Variants in BCAS1 observed in about 807,000 individuals in gnomAD.
BCAS1 encodes the protein brain enriched myelin associated protein 1.
In BCAS1, 46 loss-of-function variants were observed where a neutral mutation model predicts 65.4. That is an observed-to-expected ratio of 0.70 (90% CI 0.55 to 0.90). BCAS1 has a LOEUF of 0.90. BCAS1 is among the 40% of genes least tolerant of loss of function. BCAS1 has a pLI of 0.00. For missense variants in BCAS1, 793 were observed against 771.2 expected, an observed-to-expected ratio of 1.03 and a Z score of -0.33; for synonymous variants, 298 against 293.5, an observed-to-expected ratio of 1.02 and a Z score of -0.16.
chr20:54,067,817 A>G (rs966538713), intron 1 of BCAS1, among the ~76,000 whole-genome samples: 2 of 152,332 alleles, frequency 1.3e-5, no homozygotes, highest in African/African-American at 4.8e-5. Flanking sequence ...CCAAGTAAAC[A>G]AGCAACACCT....
chr20:54,025,346 C>T (rs1398627226), intron 4 of BCAS1, among the ~76,000 whole-genome samples: 2 of 152,156 alleles, frequency 1.3e-5, no homozygotes, highest in African/African-American at 4.8e-5. Flanking sequence ...AAAAAAACCT[C>T]ATCCCTGCCA....
At chr20:54,007,040 G>C (rs575055195) in intron 4 of BCAS1, among the ~76,000 whole-genome samples, 1 of 152,298 alleles carries the variant, frequency 6.6e-6, no homozygotes, top group African/African-American at 2.4e-5. Flanking sequence ...AGTAGGCAAG[G>C]TTCTCTGAAG....
chr20:53,953,383 T>C, intron 12 of BCAS1, 49 bp downstream of exon 12: 2 of 1,605,368 alleles, frequency 1.2e-6, no homozygotes, highest in East Asian at 2.2e-5. Context: ...GCAGATGGTG[T>C]TGGGGAAGGA....
chr20:54,047,592 G>A (rs989430785), intron 3 of BCAS1, among the ~76,000 whole-genome samples: 1 of 152,222 alleles, frequency 6.6e-6, no homozygotes. Context: ...GAGAGCCAGT[G>A]TTCAGAACTC....
chr20:54,054,524 T>C (rs2092267572), intron 3 of BCAS1, among the ~76,000 whole-genome samples: 2 of 152,208 alleles, frequency 1.3e-5, no homozygotes, highest in South Asian at 4.1e-4. Flanking sequence ...ATAACTTAGC[T>C]AATAACCTTA....
rs913178361 is a variant in BCAS1 at position 53,944,617 on chromosome 20, C to A, written c.*305G>T. The A allele has an allele frequency of 3.4e-6, 1 of 297,800 alleles. No homozygotes were observed. The highest frequency in any genetic ancestry group is 4.3e-5 in the Admixed American group (1 of 23,436). The allele number at this position is 297,800 out of a possible 1,614,324, so 18.4% of individuals were successfully genotyped here. ...AGCCACCACGCCCGGCCACCACTGC[C>A]ATTTTCATCACTTAACCCGAACACA... is the stretch of plus-strand genomic sequence containing the variant. On this transcript the variant is annotated 3_prime_UTR_variant, in exon 13 of 13. Transcript: ENST00000688948.
At chr20:54,069,171 CACCCAGGGCCTGAA>C (rs34365332) in intron 1 of BCAS1, among the ~76,000 whole-genome samples, 20,661 of 152,048 alleles carry the variant, frequency 0.14, 1,834 homozygotes, top group East Asian at 0.28. Flanking sequence ...TGAGTATATA[CACCCAGGGCCTGAA>C]GCTGCTGTGA....
At chr20:54,042,055 G>A (rs918833288) in intron 3 of BCAS1, among the ~76,000 whole-genome samples, 1 of 151,820 alleles carries the variant, frequency 6.6e-6, no homozygotes, top group Non-Finnish European at 1.5e-5. Flanking sequence ...CTTCTAAAAT[G>A]TTATCCTAGA....
At chr20:54,047,373 T>C (rs1369885834) in intron 3 of BCAS1, among the ~76,000 whole-genome samples, 3 of 152,126 alleles carry the variant, frequency 2.0e-5, no homozygotes, top group Non-Finnish European at 1.5e-5. Flanking sequence ...CCAGGAAGCA[T>C]GGGTTATTGC....
chr20:53,999,295 G>A (rs899055559), intron 4 of BCAS1, among the ~76,000 whole-genome samples: 1 of 152,264 alleles, frequency 6.6e-6, no homozygotes, highest in Middle Eastern at 3.4e-3. Flanking sequence ...GCTTGTTTAT[G>A]CTTGTATAGC....
At chr20:54,028,109 C>T (rs1312929247) in intron 4 of BCAS1, among the ~76,000 whole-genome samples, 2 of 152,192 alleles carry the variant, frequency 1.3e-5, no homozygotes, top group Admixed American at 1.3e-4. Flanking sequence ...TGTCTACTTC[C>T]GCCTTTGAAA....
chr20:53,953,772 A>C (rs1195272743), intron 11 of BCAS1, 77 bp from the exon 12 acceptor site: 6 of 1,478,170 alleles, frequency 4.1e-6, no homozygotes, highest in Non-Finnish European at 5.5e-6. Context: ...AATATGTTAA[A>C]ACAGAGATGT....
intron 7 of BCAS1, among the ~76,000 whole-genome samples, chr20:53,991,891 C>T (rs1272442153): frequency 1.3e-5 from 2 of 150,820 alleles, no homozygotes; most frequent in Non-Finnish European, 2.9e-5. Flanking sequence ...ATAGTGAAAC[C>T]ACTTCTCCTT....
intron 8 of BCAS1, among the ~76,000 whole-genome samples, chr20:53,980,160 C>T (rs905333781): frequency 6.6e-6 from 1 of 152,192 alleles, no homozygotes; most frequent in Admixed American, 6.5e-5. Context: ...GTCATACTAA[C>T]TTCAGCCCAT....
chr20:53,997,973 C>G (rs55977478), intron 4 of BCAS1, among the ~76,000 whole-genome samples: 232 of 152,288 alleles, frequency 1.5e-3, no homozygotes, highest in African/African-American at 4.2e-3. Context: ...TCTCCCTGCC[C>G]CCATGCTGCC....
intron 8 of BCAS1, among the ~76,000 whole-genome samples, chr20:53,976,621 C>G (rs555924147): frequency 6.8e-4 from 103 of 152,174 alleles, no homozygotes; most frequent in Middle Eastern, 3.2e-3. Flanking sequence ...AGTTAAACAG[C>G]TAGAAAGTGG....
At chr20:53,962,749 G>C (rs1339060372) in intron 10 of BCAS1, among the ~76,000 whole-genome samples, 1 of 152,184 alleles carries the variant, frequency 6.6e-6, no homozygotes, top group Non-Finnish European at 1.5e-5. Context: ...CAGGATTTCT[G>C]TGAAGTGCTA....
At position 54,041,263 on chromosome 20, in the gene BCAS1, CA is replaced by C. The variant is rs558125927; in HGVS notation, c.143-12292del. ...GAATTAGACGTGGAACGATTGCACA[CA>C]TGGTGCAAATATCCTTAAAATCACG... On this transcript the variant is annotated intron_variant, in intron 3 of 12. Transcript: ENST00000688948. Among the ~76,000 whole-genome samples the C allele has an allele frequency of 4.8e-4, 72 of 151,474 alleles. 4 individuals carry two copies. The highest frequency in any genetic ancestry group is 3.3e-3 in the South Asian group (16 of 4,784).
At position 54,045,226 on chromosome 20, in the gene BCAS1, AC is replaced by A. The variant is rs1252327738; in HGVS notation, c.142+12858del. 7.4e-5 allele frequency among the ~76,000 whole-genome samples: 11 copies of A among 148,948 alleles called. No individual in the cohort carries two copies. The East Asian group carries it at 1.2e-3, about 16-fold the overall frequency. ...ACCTCATCTCAAAAAAAAAAAAAAAACAAAACAAAACAAAAAACTTACGCCC... is the reference window on the plus strand; with the variant it reads ...ACCTCATCTCAAAAAAAAAAAAAAAAAAAACAAAACAAAAAACTTACGCCC... On this transcript the variant is annotated intron_variant, in intron 3 of 12. Transcript: ENST00000688948.
Sources: allele counts gnomAD v4.1 joint callset (sites outside exome capture counted in the v4.1 genomes callset), GRCh38; gene constraint gnomAD v4.1.1; transcripts MANE v1.5; gene names NCBI Gene and HGNC (gene_info 2026-07-23, HGNC 2026-07-21).